NUP98: variants seen among roughly 807,000 people sequenced by gnomAD.
The protein encoded by NUP98 is nucleoporin 98 and 96 precursor, also known as nuclear pore complex protein Nup98-Nup96.
A neutral mutation model predicts 191.9 loss-of-function variants in NUP98; 26 were observed. The ratio of observed to expected loss-of-function variants is 0.14; its 90% CI spans 0.10 to 0.19. NUP98 has a LOEUF of 0.19. Ranked by LOEUF, NUP98 falls within the 10% of genes least tolerant of loss-of-function variation. The probability of loss-of-function intolerance (pLI) is 1.00; values close to 1 mark genes in which losing one functional copy is unlikely to be tolerated. For missense variants in NUP98, 1,941 were observed against 2,178.8 expected (o/e 0.89, Z 2.17); for synonymous variants, 808 against 778.4 (o/e 1.04, Z -0.63).
intron 11 of NUP98, among the ~76,000 whole-genome samples, chr11:3,752,385 T>C (rs890504516): frequency 2.0e-5 from 3 of 151,304 alleles, no homozygotes; most frequent in African/African-American, 4.8e-5. Flanking sequence ...AGGATGGTGA[T>C]ACACACCTGT....
rs184872175 is a variant in NUP98 at position 3,766,592 on chromosome 11, C to T, written c.948+1989G>A. Among the ~76,000 whole-genome samples the T allele has an allele frequency of 5.6e-4, 83 of 148,574 alleles. 3 individuals are homozygous for T. The highest frequency in any genetic ancestry group is 5.4e-3 in the Admixed American group (79 of 14,666). ...CAATCCCAGCTATGTGGGAGGCTAA[C>T]GCCGGAGAATCCCTTGAACCCAGGA... On this transcript the variant is annotated intron_variant, in intron 8 of 32. Coordinates refer to ENST00000324932, the MANE Select transcript of NUP98 (RefSeq NM_016320.5).
intron 30 of NUP98, chr11:3,679,912 A>T (rs1017973441): frequency 3.4e-6 from 2 of 582,992 alleles, no homozygotes; most frequent in African/African-American, 3.7e-5. Context: ...TAAAATCACA[A>T]ATTTTTTGGT....
intron 10 of NUP98, among the ~76,000 whole-genome samples, chr11:3,753,676 C>G (rs926396061): frequency 7.2e-6 from 1 of 138,920 alleles, no homozygotes; most frequent in African/African-American, 2.7e-5. Context: ...TTTGGGAGGC[C>G]GAGGCTGACA....
chr11:3,737,352 G>A lies in NUP98; in HGVS notation c.1409-2028C>T, dbSNP rs768733340. 3.3e-5 allele frequency among the ~76,000 whole-genome samples: 5 copies of A among 150,816 alleles called. No homozygotes were observed. In the South Asian group the frequency reaches 8.4e-4, roughly 25 times the overall value. On this transcript the variant is annotated intron_variant, in intron 12 of 32. Transcript: ENST00000324932. Reference sequence around the variant, plus strand: ...AAAAAAAAAAAAAAAGAGGCTGGGCGTGGTGGCTCATGCCTGTAATCCCAG... The same window carrying A: ...AAAAAAAAAAAAAAAGAGGCTGGGCATGGTGGCTCATGCCTGTAATCCCAG...
intron 5 of NUP98, 67 bp downstream of exon 5, chr11:3,775,815 A>G (rs2133922673): frequency 6.6e-7 from 1 of 1,504,292 alleles, no homozygotes; most frequent in Non-Finnish European, 9.1e-7. Flanking sequence ...CAATTTTACA[A>G]TTCATCCTGC....
At chr11:3,771,619 C>G in intron 7 of NUP98, 129 bp downstream of exon 7, 1 of 741,878 alleles carries the variant, frequency 1.3e-6, no homozygotes, top group African/African-American at 1.8e-5. Context: ...CCAGGCATTC[C>G]TCCCTATTCC....
At chr11:3,697,601 G>A (rs147733944) in intron 25 of NUP98, among the ~76,000 whole-genome samples, 290 of 152,110 alleles carry the variant, frequency 1.9e-3, no homozygotes, top group Non-Finnish European at 3.3e-3. Context: ...TGGAAGTCAC[G>A]AGTTTGAGAC....
At position 3,676,590 on chromosome 11, in the gene NUP98, A is replaced by T. The variant is rs760650858; in HGVS notation, c.5104T>A (p.Leu1702Ile). The change falls in exon 32 of 33, where the codon TTA becomes ATA. Residue 1702 changes from leucine to isoleucine, a missense_variant. Transcript: ENST00000324932. ...VDCSGNDLEQ[L>I]HIKVTSLCSR... ...CACAGTGAAGTCACTTTGATGTGTA[A>T]CTGCTCCAGGTCATTACCTGAGCAA... The T allele has an allele frequency of 1.9e-6, 3 of 1,614,046 alleles. No individual in the cohort carries two copies. The Admixed American group carries it at 5.0e-5, about 27-fold the overall frequency.
chr11:3,756,424 CACTGAAGATG>C (rs1299879277), intron 10 of NUP98, among the ~76,000 whole-genome samples: 3 of 152,110 alleles, frequency 2.0e-5, no homozygotes, highest in Non-Finnish European at 4.4e-5. Context: ...ATTTTCATAT[CACTGAAGATG>C]ACTGTAAATA....
intron 28 of NUP98, among the ~76,000 whole-genome samples, chr11:3,689,996 G>T (rs1467537455): frequency 7.3e-6 from 1 of 136,928 alleles, no homozygotes; most frequent in Non-Finnish European, 1.5e-5. Context: ...TCATCACCCA[G>T]GCTGGACTGC....
At chr11:3,789,404 GATTACTATGATC>G (rs1395818180) in intron 1 of NUP98, among the ~76,000 whole-genome samples, 1 of 151,154 alleles carries the variant, frequency 6.6e-6, no homozygotes, top group African/African-American at 2.4e-5. Flanking sequence ...AATATATTGA[GATTACTATGATC>G]ATTCAACCTC....
chr11:3,730,712 G>A (rs1001124348), intron 14 of NUP98, among the ~76,000 whole-genome samples: 13 of 152,094 alleles, frequency 8.5e-5, no homozygotes, highest in Admixed American at 2.6e-4. Context: ...TGTTTTTAAC[G>A]TATCACTTGA....
At chr11:3,737,560 G>C (rs1368465900) in intron 12 of NUP98, among the ~76,000 whole-genome samples, 1 of 152,196 alleles carries the variant, frequency 6.6e-6, no homozygotes, top group Admixed American at 6.5e-5. Context: ...CCAGGATACA[G>C]AGCTGGCAGT....
At chr11:3,763,937 G>A (rs2134536126) in intron 8 of NUP98, among the ~76,000 whole-genome samples, 1 of 152,292 alleles carries the variant, frequency 6.6e-6, no homozygotes, top group South Asian at 2.1e-4. Context: ...ATTAATAAAG[G>A]AAAAATATTG....
At chr11:3,700,155 AC>A (rs1410846741) in intron 24 of NUP98, among the ~76,000 whole-genome samples, 2 of 152,044 alleles carry the variant, frequency 1.3e-5, no homozygotes, top group South Asian at 2.1e-4. Context: ...AGAGATCGAG[AC>A]AATCCTGGCC....
chr11:3,703,005 T>C lies in NUP98; in HGVS notation c.3083-113A>G, dbSNP rs2078757058. On this transcript the variant is annotated intron_variant, in intron 22 of 32. Coordinates refer to ENST00000324932, the MANE Select transcript of NUP98 (RefSeq NM_016320.5). The stretch of plus-strand genomic sequence containing the variant: ...GAAATCATTCAATGTTTAATCAAAC[T>C]ACTTATATCAGATGTGGATGACCAG... 35 of 877,296 alleles carry C rather than the reference T, an allele frequency of 4.0e-5. No homozygotes were observed. The South Asian group carries it at 6.1e-4, about 15-fold the overall frequency. 54.3% of individuals were successfully genotyped at this position (877,296 alleles called of 1,614,324 possible). A position where few individuals can be genotyped will look rare whatever the true frequency, so the allele number is the denominator to read the frequency against.
At position 3,686,135 on chromosome 11, in the gene NUP98, T is replaced by C. The variant is rs756407021; in HGVS notation, c.4514A>G (p.Tyr1505Cys). Residue 1505 changes from tyrosine (Y) to cysteine (C), a missense_variant, in exon 29 of 33, where the codon TAC (tyrosine) becomes TGC (cysteine). This residue lies in a region of NUP98 where 1,030 missense variants were observed against 1,115.8 expected (regional missense o/e 0.92). Coordinates refer to ENST00000324932, the MANE Select transcript of NUP98 (RefSeq NM_016320.5). The part of the protein sequence containing the change: ...PRSITADPLD[Y>C]RLSWHLWEVL... The stretch of plus-strand genomic sequence containing the variant: ...TTCCCACAAGTGCCAGCTTAGGCGG[T>C]AGTCCAAAGGATCTGCTGTTATGCT... The C allele has an allele frequency of 2.5e-6, 4 of 1,614,102 alleles. No homozygotes were observed. The Admixed American group carries it at 5.0e-5, about 20-fold the overall frequency.
At chr11:3,749,776 C>T (rs2080671130) in intron 11 of NUP98, among the ~76,000 whole-genome samples, 1 of 151,064 alleles carries the variant, frequency 6.6e-6, no homozygotes, top group Non-Finnish European at 1.5e-5. Flanking sequence ...TGCCAGTAAT[C>T]AGTGAGGTGC....
In NUP98 at chr11:3,729,345, G is replaced by A. The variant is rs573718509; in HGVS notation, c.1730+2046C>T. 4.0e-4 allele frequency among the ~76,000 whole-genome samples: 61 copies of A among 151,970 alleles called. No individual in the cohort carries two copies. In the South Asian group the frequency reaches 0.012, roughly 31 times the overall value. On this transcript the variant is annotated intron_variant, in intron 14 of 32. Coordinates refer to ENST00000324932, the MANE Select transcript of NUP98 (RefSeq NM_016320.5). ...AGGAAGAAAACTAGGAAATTGTGGG[G>A]TCCTGGAAGACAATTATGAAAGTGA... is the stretch of plus-strand genomic sequence containing the variant.
Sources: allele counts gnomAD v4.1 joint callset (sites outside exome capture counted in the v4.1 genomes callset), GRCh38; gene constraint gnomAD v4.1.1; regional missense constraint gnomAD v4.1.1; transcripts MANE v1.5; gene names NCBI Gene and HGNC (gene_info 2026-07-23, HGNC 2026-07-21).